Variants in BEST3 observed in about 807,000 individuals in gnomAD.
The protein encoded by BEST3 is bestrophin 3.
Under a neutral mutation model 47.1 loss-of-function variants are expected in BEST3, and 50 were observed. The ratio of observed to expected loss-of-function variants is 1.06; its 90% CI spans 0.85 to 1.34. BEST3 has a LOEUF of 1.34. Ranked by LOEUF, BEST3 falls within the 40% of genes most tolerant of loss-of-function variation. The pLI, the probability that BEST3 is intolerant of heterozygous loss-of-function variation, is 0.00. For synonymous variants in BEST3, 282 were observed against 298.8 expected, an observed-to-expected ratio of 0.94 and a Z score of 0.58; for missense variants, 765 against 817.0, an observed-to-expected ratio of 0.94 and a Z score of 0.78.
chr12:69,694,322 T>A (rs1322201404), intron 3 of BEST3, 48 bp downstream of exon 3: 1 of 1,236,712 alleles, frequency 8.1e-7, no homozygotes, highest in Admixed American at 2.1e-5. Context: ...GGTGTCATCC[T>A]AACGGAGACA....
chr12:69,680,230 A>T (rs1032995043), intron 4 of BEST3, among the ~76,000 whole-genome samples: 2 of 151,806 alleles, frequency 1.3e-5, no homozygotes, highest in Non-Finnish European at 2.9e-5. Context: ...TTTATTTAAT[A>T]AACATTTATT....
chr12:69,694,360 CTATACTTACCAAGCACAAAGGT>C lies in BEST3; in HGVS notation c.235_247+9del. The stretch of plus-strand genomic sequence containing the variant: ...TATGTGGCTGCAATCTGCGTGTGAC[CTATACTTACCAAGCACAAAGGT>C]TACTGGAATTTGTTCAGCATATCTG... On this transcript the variant is annotated splice_donor_variant and splice_donor_5th_base_variant and coding_sequence_variant and intron_variant, in exon 3 of 10. Coordinates refer to ENST00000330891, the MANE Select transcript of BEST3 (RefSeq NM_032735.3). LOFTEE classifies it high-confidence loss of function. 1 of 1,569,976 alleles carries C rather than the reference CTATACTTACCAAGCACAAAGGT, an allele frequency of 6.4e-7. No individual in the cohort carries two copies.
intron 4 of BEST3, among the ~76,000 whole-genome samples, chr12:69,686,445 C>T (rs1400660167): frequency 2.0e-5 from 3 of 152,070 alleles, no homozygotes; most frequent in Admixed American, 6.5e-5. Flanking sequence ...TCCCAAAAAA[C>T]AGCCTCAAGA....
chr12:69,695,088 C>T (rs1020563358), intron 2 of BEST3, among the ~76,000 whole-genome samples: 1 of 152,126 alleles, frequency 6.6e-6, no homozygotes, highest in Non-Finnish European at 1.5e-5. Context: ...CTAACCCAAC[C>T]TGCCCAAACC....
chr12:69,662,588 G>A (rs529942930), intron 9 of BEST3, among the ~76,000 whole-genome samples: 38 of 152,158 alleles, frequency 2.5e-4, no homozygotes, highest in Middle Eastern at 3.4e-3. Context: ...AGAACTTTTC[G>A]AATAAAGATA....
At position 69,697,793 on chromosome 12, in the gene BEST3, A is replaced by C; in HGVS notation, c.6T>G (p.Thr2=). The stretch of plus-strand genomic sequence containing the variant: ...TTGCTACTTTACTGGAGTAAGTGAC[A>C]GTCATCTTGGATAGTTTTTTCTAGA... M[T]VTYSSKVANA... The change falls in exon 2 of 10, where the codon ACT becomes ACG. Residue 2 remains threonine, a synonymous_variant. Transcript: ENST00000330891. The C allele has an allele frequency of 6.2e-7, 1 of 1,603,750 alleles. No homozygotes were observed.
chr12:69,689,068 A>G (rs937548618), intron 4 of BEST3: 2 of 985,272 alleles, frequency 2.0e-6, no homozygotes, highest in East Asian at 1.1e-4. Context: ...TGCTTTACTT[A>G]CCAGTCCTCT....
rs372282208 is a variant in BEST3, at chr12:69,655,290, G to C, written c.1624C>G (p.Gln542Glu). The C allele has an allele frequency of 3.7e-5, 59 of 1,614,072 alleles. No homozygotes were observed. Among genetic ancestry groups the C allele is most frequent in the Non-Finnish European group, 4.8e-5 (57 of 1,180,044 alleles). The change falls in exon 10 of 10, where the codon CAG (glutamine) becomes GAG (glutamate). Residue 542 changes from glutamine (Q) to glutamate (E), a missense_variant. Gln to Glu is a conservative substitution (Grantham distance 29). Transcript: ENST00000330891. ...TGVQPSKTEQ[Q>E]QGPMGSILSP... ...AGGATGGATCCCATGGGGCCCTGCT[G>C]CTGCTCAGTCTTGCTTGGCTGAACC... is the stretch of plus-strand genomic sequence containing the variant.
At chr12:69,652,378 A>G (rs1026126319), downstream of BEST3, among the ~76,000 whole-genome samples, 6 of 152,218 alleles carry the variant, frequency 3.9e-5, no homozygotes, top group Non-Finnish European at 7.3e-5. Flanking sequence ...GTACATGAGA[A>G]GAAATCATTT....
chr12:69,657,764 A>G (rs1883599211), intron 9 of BEST3, among the ~76,000 whole-genome samples: 1 of 152,186 alleles, frequency 6.6e-6, no homozygotes, highest in South Asian at 2.1e-4. Context: ...GTCGTTCCTC[A>G]TGTTTATGAA....
intron 9 of BEST3, among the ~76,000 whole-genome samples, chr12:69,665,697 G>C (rs1409355642): frequency 6.6e-6 from 1 of 152,174 alleles, no homozygotes; most frequent in East Asian, 1.9e-4. Flanking sequence ...CTAGAAGTCT[G>C]AATTGAGGAG....
intron 8 of BEST3, 99 bp downstream of exon 8, chr12:69,672,786 T>G (rs1049894691): frequency 6.0e-6 from 5 of 834,186 alleles, no homozygotes; most frequent in Non-Finnish European, 9.4e-6. Flanking sequence ...TGGCTAAAGC[T>G]CTGAAGCCAA....
chr12:69,682,627 G>T lies in BEST3; in HGVS notation c.482-3734C>A, dbSNP rs571592324. Among the ~76,000 whole-genome samples, 107 of 152,094 alleles carry T rather than the reference G, an allele frequency of 7.0e-4. 2 individuals are homozygous for T. The South Asian group carries it at 0.021, about 30-fold the overall frequency. On this transcript the variant is annotated intron_variant, in intron 4 of 9. Coordinates refer to ENST00000330891, the MANE Select transcript of BEST3 (RefSeq NM_032735.3). The stretch of plus-strand genomic sequence containing the variant: ...GTCTCCGTCTGTCATCCAGACTGGA[G>T]TGCAGTGGTGTGATCTTTGGCTCAC...
chr12:69,675,479 C>A (rs1287785592), intron 7 of BEST3, among the ~76,000 whole-genome samples: 1 of 152,124 alleles, frequency 6.6e-6, no homozygotes, highest in Non-Finnish European at 1.5e-5. Flanking sequence ...GGGAAGGAAC[C>A]ATTATCTGCT....
chr12:69,654,880 G>A lies in BEST3; in HGVS notation c.*27C>T. 2 of 1,590,234 alleles carry A rather than the reference G, an allele frequency of 1.3e-6. No homozygotes were observed. The highest frequency in any genetic ancestry group is 1.7e-6 in the Non-Finnish European group (2 of 1,167,282). On this transcript the variant is annotated 3_prime_UTR_variant, in exon 10 of 10. Transcript: ENST00000330891. Reference sequence around the variant, plus strand: ...TTTGGGGAGGTAAGAATCTAGGCTAGAACCAGGTCCTAGAACTTGGTGGCA... The same window carrying A: ...TTTGGGGAGGTAAGAATCTAGGCTAAAACCAGGTCCTAGAACTTGGTGGCA...
intron 7 of BEST3, among the ~76,000 whole-genome samples, chr12:69,675,857 T>C (rs1171983966): frequency 2.0e-5 from 3 of 152,226 alleles, no homozygotes; most frequent in Non-Finnish European, 4.4e-5. Context: ...AGGGAAAATT[T>C]CACTGCAACC....
chr12:69,667,772 T>A (rs752914385), intron 9 of BEST3, among the ~76,000 whole-genome samples: 12 of 152,174 alleles, frequency 7.9e-5, no homozygotes, highest in Non-Finnish European at 5.9e-5. Flanking sequence ...ATCTGTGAGC[T>A]TGGGAGGTGT....
chr12:69,679,693 T>C (rs528592931), intron 4 of BEST3, among the ~76,000 whole-genome samples: 272 of 152,268 alleles, frequency 1.8e-3, no homozygotes, highest in African/African-American at 6.4e-3. Flanking sequence ...AAACCCCATC[T>C]CTACTAAAAA....
chr12:69,670,912 T>G (rs1290799744), intron 9 of BEST3, among the ~76,000 whole-genome samples: 2 of 152,180 alleles, frequency 1.3e-5, no homozygotes, highest in Non-Finnish European at 2.9e-5. Context: ...CACACACTTC[T>G]CCAATATCAA....
Sources: gnomAD v4.1 joint callset for allele counts (sites outside exome capture counted in the v4.1 genomes callset) on GRCh38, gnomAD v4.1.1 for gene constraint, MANE v1.5 for transcripts, NCBI Gene and HGNC (gene_info 2026-07-23, HGNC 2026-07-21) for gene names.